Variants in OR8A1 observed in about 807,000 individuals in gnomAD.
OR8A1 encodes olfactory receptor 8A1.
A neutral mutation model predicts 13.4 loss-of-function variants in OR8A1; 5 were observed. That is an observed-to-expected ratio of 0.37 (90% confidence interval 0.19 to 0.78). The LOEUF (loss-of-function observed/expected upper bound fraction) is 0.78, where lower values mean the gene tolerates loss of function less well. Among genes scored for constraint, OR8A1 ranks in the 30% least tolerant of loss-of-function variants. The probability of loss-of-function intolerance (pLI) is 0.47; values close to 1 mark genes in which losing one functional copy is unlikely to be tolerated. For missense variants in OR8A1, 354 were observed against 374.8 expected (o/e 0.94, Z 0.46); for synonymous variants, 156 against 150.4 (o/e 1.04, Z -0.27).
chr11:124,571,199 C>CCCTCTTCCTTT lies in OR8A1; in HGVS notation c.*161_*171dup. Reference sequence around the variant, plus strand: ...CATTTTTCCTTCTTTCCTCTTCCTTCCCTCTTCCTTTCCTCTTCCTTCCTC... The same window carrying CCCTCTTCCTTT: ...CATTTTTCCTTCTTTCCTCTTCCTTCCCTCTTCCTTTCCTCTTCCTTTCCTCTTCCTTCCTC... On this transcript the variant is annotated 3_prime_UTR_variant, in exon 1 of 1. Coordinates refer to ENST00000284287, the MANE Select transcript of OR8A1 (RefSeq NM_001005194.2). The CCCTCTTCCTTT allele has an allele frequency of 3.0e-6, 2 of 656,578 alleles. No homozygotes were observed. Among genetic ancestry groups the CCCTCTTCCTTT allele is most frequent in the South Asian group, 4.3e-5 (2 of 46,880 alleles). 40.7% of individuals were successfully genotyped at this position (656,578 alleles called of 1,614,324 possible).
rs201944126 is a variant in OR8A1 at position 124,570,090 on chromosome 11, C to A, written c.-30C>A. The A allele has an allele frequency of 8.1e-5, 131 of 1,612,334 alleles. No homozygotes were observed. Among genetic ancestry groups the A allele is most frequent in the Middle Eastern group, 1.7e-4 (1 of 6,060 alleles). On this transcript the variant is annotated 5_prime_UTR_variant, in exon 1 of 1. Transcript: ENST00000284287. Reference sequence around the variant, plus strand: ...TTTAATGGGGTTCTTGTCTCCCATGCATCCCTGCAGGCCTCCCACCCAGAG... The same window carrying A: ...TTTAATGGGGTTCTTGTCTCCCATGAATCCCTGCAGGCCTCCCACCCAGAG...
chr11:124,570,072 G>C lies in OR8A1; in HGVS notation c.-48G>C. The C allele has an allele frequency of 6.2e-7, 1 of 1,607,558 alleles. No individual in the cohort carries two copies. The highest frequency in any genetic ancestry group is 8.5e-7 in the Non-Finnish European group (1 of 1,176,700). ...GCCGTCCAAGATTAGCCTTTTAATGGGGTTCTTGTCTCCCATGCATCCCTG... is the reference window on the plus strand; with the variant it reads ...GCCGTCCAAGATTAGCCTTTTAATGCGGTTCTTGTCTCCCATGCATCCCTG... On this transcript the variant is annotated 5_prime_UTR_variant, in exon 1 of 1. Transcript: ENST00000284287.
Position 124,570,964 on chromosome 11 carries a change from C to G in OR8A1, c.845C>G (p.Pro282Arg). 6.2e-7 allele frequency: 1 copy of G among 1,614,046 alleles called. No individual in the cohort carries two copies. The highest frequency in any genetic ancestry group is 2.2e-5 in the East Asian group (1 of 44,874). The change falls in exon 1 of 1, where the codon CCC (proline) becomes CGC (arginine). Residue 282 changes from proline to arginine, a missense_variant. Coordinates refer to ENST00000284287, the MANE Select transcript of OR8A1 (RefSeq NM_001005194.2). The part of the protein sequence containing the change: ...VASVFYTTVI[P>R]MLNPLIYSLR... ...TCTGTGTTCTACACCACGGTAATCC[C>G]CATGTTGAATCCCCTAATCTACAGC...
rs188075743 is a variant in OR8A1, at chr11:124,570,727, G to A, written c.608G>A (p.Gly203Glu). 1.9e-6 allele frequency: 3 copies of A among 1,614,030 alleles called. No individual in the cohort carries two copies. The highest frequency in any genetic ancestry group is 3.3e-5 in the Admixed American group (2 of 59,996). The stretch of plus-strand genomic sequence containing the variant: ...GAGATGACAGTCTTCTTTTCGGCTG[G>A]ATTCAACATCATAGTCACGAGCTTA... The part of the protein sequence containing the change: ...DVEMTVFFSA[G>E]FNIIVTSLTV... Residue 203 changes from glycine to glutamate, a missense_variant, in exon 1 of 1, where the codon GGA becomes GAA. Transcript: ENST00000284287.
At position 124,570,861 on chromosome 11, in the gene OR8A1, G is replaced by A. The variant is rs1295905341; in HGVS notation, c.742G>A (p.Gly248Arg). The A allele has an allele frequency of 2.5e-6, 4 of 1,614,016 alleles. No homozygotes were observed. Among genetic ancestry groups the A allele is most frequent in the Admixed American group, 1.7e-5 (1 of 59,984 alleles). ...STCSSHLAAVGMFYGSTAFMY... is the reference protein window; with the variant it reads ...STCSSHLAAVRMFYGSTAFMY... The stretch of plus-strand genomic sequence containing the variant: ...CTGCAGCTCCCACCTTGCAGCCGTG[G>A]GAATGTTCTATGGATCAACTGCATT... The change falls in exon 1 of 1, where the codon GGA (glycine) becomes AGA (arginine). Residue 248 changes from glycine (G) to arginine (R), a missense_variant. Gly to Arg is a moderately radical substitution (Grantham distance 125, BLOSUM62 -2). Transcript: ENST00000284287.
At position 124,570,486 on chromosome 11, in the gene OR8A1, T is replaced by C. The variant is rs1415066655; in HGVS notation, c.367T>C (p.Tyr123His). The C allele has an allele frequency of 1.2e-6, 2 of 1,614,018 alleles. No homozygotes were observed. The highest frequency in any genetic ancestry group is 1.3e-5 in the African/African-American group (1 of 74,924). ...GCTGACAGTGATGGCCTACGACCGC[T>C]ATGTTGCCATCTGCCACCCTTTGCT... ...YMLTVMAYDR[Y>H]VAICHPLLYN... is the part of the protein sequence containing the mutation. The change falls in exon 1 of 1, where the codon TAT becomes CAT. Residue 123 changes from tyrosine (Y) to histidine (H), a missense_variant. By Grantham distance (83) the Tyr-to-His change is moderately conservative (BLOSUM62 2). Coordinates refer to ENST00000284287, the MANE Select transcript of OR8A1 (RefSeq NM_001005194.2).
In OR8A1 at chr11:124,570,876, T is replaced by C; in HGVS notation, c.757T>C (p.Ser253Pro). The part of the protein sequence containing the change: ...HLAAVGMFYG[S>P]TAFMYLKPST... ...TGCAGCCGTGGGAATGTTCTATGGA[T>C]CAACTGCATTCATGTACTTAAAACC... is the stretch of plus-strand genomic sequence containing the variant. The change falls in exon 1 of 1, where the codon TCA (serine) becomes CCA (proline). Residue 253 changes from serine (S) to proline (P), a missense_variant. Ser to Pro is a moderately conservative substitution (Grantham distance 74, BLOSUM62 -1). Transcript: ENST00000284287. The C allele has an allele frequency of 6.2e-7, 1 of 1,614,074 alleles. No homozygotes were observed. The highest frequency in any genetic ancestry group is 1.7e-5 in the Admixed American group (1 of 60,006).
Position 124,571,238 on chromosome 11 carries a change from CT to C in OR8A1, c.*191del. The C allele has an allele frequency of 1.8e-6, 1 of 560,124 alleles. No homozygotes were observed. Among genetic ancestry groups the C allele is most frequent in the Non-Finnish European group, 3.1e-6 (1 of 322,616 alleles). 34.7% of individuals were successfully genotyped at this position (560,124 alleles called of 1,614,324 possible). A position where few individuals can be genotyped will look rare whatever the true frequency, so the allele number is the denominator to read the frequency against. On this transcript the variant is annotated 3_prime_UTR_variant, in exon 1 of 1. Transcript: ENST00000284287. ...TCTTCCTTCCTCTTCCTTCCTTCCT[CT>C]TCTTTCCTCTTCCTTCCCTCCCTCT...
At position 124,570,530 on chromosome 11, in the gene OR8A1, T is replaced by C. The variant is rs538622740; in HGVS notation, c.411T>C (p.Ser137=). The C allele has an allele frequency of 6.2e-7, 1 of 1,614,126 alleles. No individual in the cohort carries two copies. The highest frequency in any genetic ancestry group is 1.3e-5 in the African/African-American group (1 of 75,036). ...CTTTGCTTTACAACATCATTATGTC[T>C]CATCACACCTGCCTGCTGCTGGTGG... is the stretch of plus-strand genomic sequence containing the variant. The part of the protein sequence containing the change: ...CHPLLYNIIM[S]HHTCLLLVAV... Residue 137 remains serine, a synonymous_variant, in exon 1 of 1, where the codon TCT becomes TCC. Transcript: ENST00000284287.
chr11:124,571,184 T>TCTTTCCTCTTCCTTCCCACTTC lies in OR8A1; in HGVS notation c.*152_*153insACTTCCTTTCCTCTTCCTTCCC, dbSNP rs1565385669. On this transcript the variant is annotated 3_prime_UTR_variant, in exon 1 of 1. Coordinates refer to ENST00000284287, the MANE Select transcript of OR8A1 (RefSeq NM_001005194.2). The stretch of plus-strand genomic sequence containing the variant: ...GGCTGGGTGAATGGGCATTTTTCCT[T>TCTTTCCTCTTCCTTCCCACTTC]CTTTCCTCTTCCTTCCCTCTTCCTT... 1 of 729,672 alleles carries TCTTTCCTCTTCCTTCCCACTTC rather than the reference T, an allele frequency of 1.4e-6. No homozygotes were observed. Among genetic ancestry groups the TCTTTCCTCTTCCTTCCCACTTC allele is most frequent in the African/African-American group, 1.8e-5 (1 of 56,134 alleles). The allele number at this position is 729,672 out of a possible 1,614,324, so 45.2% of individuals were successfully genotyped here.
chr11:124,571,152 T>C lies in OR8A1; in HGVS notation c.*103T>C, dbSNP rs1862680632. 9.0e-7 allele frequency: 1 copy of C among 1,117,106 alleles called. No homozygotes were observed. Among genetic ancestry groups the C allele is most frequent in the African/African-American group, 1.6e-5 (1 of 63,674 alleles). The allele number at this position is 1,117,106 out of a possible 1,614,324, so 69.2% of individuals were successfully genotyped here. On this transcript the variant is annotated 3_prime_UTR_variant, in exon 1 of 1. Transcript: ENST00000284287. Reference sequence around the variant, plus strand: ...GCTGTGGATGGAAAATAATCACTTCTCCACATGGCTGGGTGAATGGGCATT... The same window carrying C: ...GCTGTGGATGGAAAATAATCACTTCCCCACATGGCTGGGTGAATGGGCATT...
rs1473561786 is a variant in OR8A1, at chr11:124,570,859, T to C, written c.740T>C (p.Val247Ala). The C allele has an allele frequency of 9.9e-6, 16 of 1,613,908 alleles. No homozygotes were observed. The highest frequency in any genetic ancestry group is 1.2e-5 in the Non-Finnish European group (14 of 1,179,990). The change falls in exon 1 of 1, where the codon GTG becomes GCG. Residue 247 changes from valine (V) to alanine (A), a missense_variant. Coordinates refer to ENST00000284287, the MANE Select transcript of OR8A1 (RefSeq NM_001005194.2). ...FSTCSSHLAA[V>A]GMFYGSTAFM... Reference sequence around the variant, plus strand: ...ACCTGCAGCTCCCACCTTGCAGCCGTGGGAATGTTCTATGGATCAACTGCA... The same window carrying C: ...ACCTGCAGCTCCCACCTTGCAGCCGCGGGAATGTTCTATGGATCAACTGCA...
rs546328288 is a variant in OR8A1, at chr11:124,570,685, C to T, written c.566C>T (p.Ser189Phe). The change falls in exon 1 of 1, where the codon TCT (serine) becomes TTT (phenylalanine). Residue 189 changes from serine (S) to phenylalanine (F), a missense_variant. Coordinates refer to ENST00000284287, the MANE Select transcript of OR8A1 (RefSeq NM_001005194.2). The stretch of plus-strand genomic sequence containing the variant: ...CTCCCTCTCATGAAGCTGTCCTGCT[C>T]TAGCACCTATGATGTTGAGATGACA... ...DILPLMKLSC[S>F]STYDVEMTVF... 1.2e-6 allele frequency: 2 copies of T among 1,614,002 alleles called. No homozygotes were observed. Among genetic ancestry groups the T allele is most frequent in the East Asian group, 4.5e-5 (2 of 44,888 alleles).
At position 124,570,622 on chromosome 11, in the gene OR8A1, A is replaced by T. The variant is rs369515544; in HGVS notation, c.503A>T (p.Tyr168Phe). 15 of 1,613,936 alleles carry T rather than the reference A, an allele frequency of 9.3e-6. No individual in the cohort carries two copies. Among genetic ancestry groups the T allele is most frequent in the Non-Finnish European group, 1.0e-5 (12 of 1,180,004 alleles). The change falls in exon 1 of 1, where the codon TAT (tyrosine) becomes TTT (phenylalanine). Residue 168 changes from tyrosine (Y) to phenylalanine (F), a missense_variant. Tyr to Phe is a conservative substitution (Grantham distance 22). Transcript: ENST00000284287. ...IETGLMLKLPYCEHLISHYFC... is the reference protein window; with the variant it reads ...IETGLMLKLPFCEHLISHYFC... ...ACTGGCCTCATGTTAAAACTGCCCTATTGTGAGCACCTCATCAGTCACTAC... is the reference window on the plus strand; with the variant it reads ...ACTGGCCTCATGTTAAAACTGCCCTTTTGTGAGCACCTCATCAGTCACTAC...
rs759095981 is a variant in OR8A1, at chr11:124,571,091, A to G, written c.*42A>G. 4 of 1,552,802 alleles carry G rather than the reference A, an allele frequency of 2.6e-6. No individual in the cohort carries two copies. Among genetic ancestry groups the G allele is most frequent in the Non-Finnish European group, 3.5e-6 (4 of 1,146,802 alleles). The stretch of plus-strand genomic sequence containing the variant: ...CCTTTTCAATTTAGTGGTAATTGTT[A>G]TAAATACCAGAGTGACAGCTTCTGA... On this transcript the variant is annotated 3_prime_UTR_variant, in exon 1 of 1. Coordinates refer to ENST00000284287, the MANE Select transcript of OR8A1 (RefSeq NM_001005194.2).
At position 124,570,172 on chromosome 11, in the gene OR8A1, C is replaced by T. The variant is rs199916364; in HGVS notation, c.53C>T (p.Thr18Met). The change falls in exon 1 of 1, where the codon ACG (threonine) becomes ATG (methionine). Residue 18 changes from threonine to methionine, a missense_variant. Physicochemically the swap from Thr to Met is moderately conservative, Grantham distance 81 (BLOSUM62 -1). Transcript: ENST00000284287. ...TVTEFILKGLTKRADLQLPLF... is the reference protein window; with the variant it reads ...TVTEFILKGLMKRADLQLPLF... ...ACAGAGTTCATTCTCAAGGGTTTAA[C>T]GAAGAGAGCAGACCTCCAGCTCCCC... is the stretch of plus-strand genomic sequence containing the variant. 67 of 1,613,864 alleles carry T rather than the reference C, an allele frequency of 4.2e-5. No individual in the cohort carries two copies. The highest frequency in any genetic ancestry group is 1.6e-4 in the Middle Eastern group (1 of 6,082).
chr11:124,570,857 C>T lies in OR8A1; in HGVS notation c.738C>T (p.Ala246=), dbSNP rs745564232. 12 of 1,613,814 alleles carry T rather than the reference C, an allele frequency of 7.4e-6. No individual in the cohort carries two copies. Among genetic ancestry groups the T allele is most frequent in the African/African-American group, 4.0e-5 (3 of 75,016 alleles). Residue 246 remains alanine (A), a synonymous_variant, in exon 1 of 1, where the codon GCC becomes GCT. Coordinates refer to ENST00000284287, the MANE Select transcript of OR8A1 (RefSeq NM_001005194.2). Reference sequence around the variant, plus strand: ...GCACCTGCAGCTCCCACCTTGCAGCCGTGGGAATGTTCTATGGATCAACTG... The same window carrying T: ...GCACCTGCAGCTCCCACCTTGCAGCTGTGGGAATGTTCTATGGATCAACTG... The part of the protein sequence containing the change: ...AFSTCSSHLA[A]VGMFYGSTAF...
chr11:124,571,017 G>T lies in OR8A1; in HGVS notation c.898G>T (p.Val300Leu), dbSNP rs116716423. The T allele has an allele frequency of 6.2e-7, 1 of 1,613,084 alleles. No homozygotes were observed. Among genetic ancestry groups the T allele is most frequent in the Non-Finnish European group, 8.5e-7 (1 of 1,179,616 alleles). Residue 300 changes from valine to leucine, a missense_variant, in exon 1 of 1, where the codon GTG (valine) becomes TTG (leucine). Physicochemically the swap from Val to Leu is conservative, Grantham distance 32. Coordinates refer to ENST00000284287, the MANE Select transcript of OR8A1 (RefSeq NM_001005194.2). Reference sequence around the variant, plus strand: ...GAGGAACAAGGAAGTAAAGGCTGCCGTGCAGAAAACGCTGAGGGGTAAACT... The same window carrying T: ...GAGGAACAAGGAAGTAAAGGCTGCCTTGCAGAAAACGCTGAGGGGTAAACT... ...SLRNKEVKAA[V>L]QKTLRGKLF
Position 124,571,049 on chromosome 11 carries a change from A to T in OR8A1, c.930A>T (p.Ter310CysextTer10). The change falls in exon 1 of 1, where the codon TGA becomes TGT. Residue 310 changes from the stop codon to cysteine (C), a stop_lost. Transcript: ENST00000284287. ...AAACGCTGAGGGGTAAACTGTTTTG[A>T]TGCAAATGTTATTGTTCCTTTTCAA... ...VQKTLRGKLF* is the reference protein window; with the variant it reads ...VQKTLRGKLFC 1 of 1,603,826 alleles carries T rather than the reference A, an allele frequency of 6.2e-7. No homozygotes were observed. The highest frequency in any genetic ancestry group is 8.5e-7 in the Non-Finnish European group (1 of 1,175,498).
Sources: allele counts gnomAD v4.1 joint callset, GRCh38; gene constraint gnomAD v4.1.1; transcripts MANE v1.5; gene names NCBI Gene and HGNC (gene_info 2026-07-23, HGNC 2026-07-21).